Variants in LHPP observed in about 807,000 individuals in gnomAD.
LHPP encodes hLHPP.
A neutral mutation model predicts 30.3 loss-of-function variants in LHPP; 24 were observed. The observed-to-expected ratio is 0.79, with a 90% CI of 0.57 to 1.11. The LOEUF is 1.11. Among genes scored for constraint, LHPP ranks in the 50% most tolerant of loss-of-function variants. The pLI is 0.00. For synonymous variants in LHPP, 150 were observed against 157.1 expected (o/e 0.95, Z 0.34); for missense variants, 356 against 367.2 (o/e 0.97, Z 0.25).
intron 5 of LHPP, among the ~76,000 whole-genome samples, chr10:124,501,663 C>T (rs6597830): frequency 0.1 from 15,288 of 150,082 alleles, 1,383 homozygotes; most frequent in African/African-American, 0.23. Context: ...GGTGGCACGA[C>T]GTTCTGAATG....
rs193141683 is a variant in LHPP, at chr10:124,526,199, A to G, written c.716+8928A>G. On this transcript the variant is annotated intron_variant, in intron 6 of 6. Transcript: ENST00000368842. ...CACGTGCTCTGGACCTGGTGCTCAC[A>G]CGTGCTCTTCTCCCAAGACACTCCC... 6,469 of 985,378 alleles carry G rather than the reference A, an allele frequency of 6.6e-3. 27 individuals carry two copies. Among genetic ancestry groups the G allele is most frequent in the Middle Eastern group, 0.013 (25 of 1,914 alleles). 61.0% of individuals were successfully genotyped at this position (985,378 alleles called of 1,614,324 possible).
At chr10:124,501,092 A>G (rs1347841435) in intron 5 of LHPP, among the ~76,000 whole-genome samples, 1 of 152,148 alleles carries the variant, frequency 6.6e-6, no homozygotes, top group East Asian at 1.9e-4. Flanking sequence ...AAGTTCTGAC[A>G]CATGCTACAG....
chr10:124,538,422 G>A (rs1419742870), intron 6 of LHPP, among the ~76,000 whole-genome samples: 1 of 152,220 alleles, frequency 6.6e-6, no homozygotes, highest in Non-Finnish European at 1.5e-5. Context: ...ATGCTGTGGA[G>A]CATCTGTAGT....
rs1040747447 is a variant in LHPP at position 124,541,477 on chromosome 10, C to T, written c.716+24206C>T. ...CAGCCTCTGCTAGCCCCAGACCTAA[C>T]GGAGTTGCGGCTCATGGCCACCCTG... is the stretch of plus-strand genomic sequence containing the variant. On this transcript the variant is annotated intron_variant, in intron 6 of 6. Transcript: ENST00000368842. The surrounding 1 kb of genome is among the most constrained non-coding windows in gnomAD (Gnocchi z 4.2). 5.9e-5 allele frequency among the ~76,000 whole-genome samples: 9 copies of T among 152,114 alleles called. No individual in the cohort carries two copies. Among genetic ancestry groups the T allele is most frequent in the South Asian group, 4.1e-4 (2 of 4,824 alleles).
At chr10:124,555,068 T>A (rs35038221) in intron 6 of LHPP, among the ~76,000 whole-genome samples, 21,032 of 152,176 alleles carry the variant, frequency 0.14, 1,929 homozygotes, top group Non-Finnish European at 0.2. Flanking sequence ...TTTGAGTACG[T>A]CCAGCGAGAG....
chr10:124,567,849 G>A (rs745931907), intron 6 of LHPP, among the ~76,000 whole-genome samples: 1 of 152,348 alleles, frequency 6.6e-6, no homozygotes, highest in South Asian at 2.1e-4. Context: ...GCACAGACAC[G>A]AGGGCTCACT....
rs951816380 is a variant in LHPP, at chr10:124,473,539, G to A, written c.126-10600G>A. Among the ~76,000 whole-genome samples, 3 of 152,148 alleles carry A rather than the reference G, an allele frequency of 2.0e-5. No individual in the cohort carries two copies. The South Asian group carries it at 6.2e-4, about 32-fold the overall frequency. On this transcript the variant is annotated intron_variant, in intron 1 of 6. Coordinates refer to ENST00000368842, the MANE Select transcript of LHPP (RefSeq NM_022126.4). Reference sequence around the variant, plus strand: ...AGCTCTGCCCCATAGTTGCCATGTGGCCTCAAGGAAGTCCCTTAGCGTTCC... The same window carrying A: ...AGCTCTGCCCCATAGTTGCCATGTGACCTCAAGGAAGTCCCTTAGCGTTCC...
At chr10:124,490,997 G>A (rs1350846952) in intron 3 of LHPP, among the ~76,000 whole-genome samples, 1 of 151,420 alleles carries the variant, frequency 6.6e-6, no homozygotes, top group Non-Finnish European at 1.5e-5. Flanking sequence ...GGAATCACAG[G>A]GTTCTGCACA....
intron 6 of LHPP, among the ~76,000 whole-genome samples, chr10:124,562,669 C>T (rs985095570): frequency 6.6e-6 from 1 of 152,148 alleles, no homozygotes; most frequent in Non-Finnish European, 1.5e-5. Context: ...TGGTGGCTCA[C>T]AGCTGTAATC....
intron 6 of LHPP, among the ~76,000 whole-genome samples, chr10:124,527,689 C>T (rs1954777509): frequency 6.6e-6 from 1 of 152,214 alleles, no homozygotes; most frequent in Admixed American, 6.5e-5. Context: ...CCGGAGACCC[C>T]AAGAGCACTG....
intron 6 of LHPP, among the ~76,000 whole-genome samples, chr10:124,539,460 A>G (rs1257139589): frequency 6.6e-6 from 1 of 151,916 alleles, no homozygotes; most frequent in Non-Finnish European, 1.5e-5. Context: ...CCCCATCTCT[A>G]CTACAAGTAC....
intron 6 of LHPP, among the ~76,000 whole-genome samples, chr10:124,518,865 A>G (rs1954531876): frequency 6.6e-6 from 1 of 152,226 alleles, no homozygotes; most frequent in African/African-American, 2.4e-5. Flanking sequence ...GGTTACCTGC[A>G]TGCTATTTAA....
chr10:124,508,066 C>G (rs912034844), intron 5 of LHPP, among the ~76,000 whole-genome samples: 13 of 152,094 alleles, frequency 8.5e-5, no homozygotes, highest in African/African-American at 3.1e-4. Flanking sequence ...CCCTGATTCT[C>G]AGGGCATCAG....
intron 3 of LHPP, among the ~76,000 whole-genome samples, chr10:124,491,024 C>G (rs1383988633): frequency 6.6e-6 from 1 of 151,680 alleles, no homozygotes; most frequent in Non-Finnish European, 1.5e-5. Context: ...ATTCTAGAAT[C>G]ACAGGGTTCT....
intron 6 of LHPP, among the ~76,000 whole-genome samples, chr10:124,550,296 C>T (rs796290199): frequency 2.6e-5 from 4 of 152,356 alleles, no homozygotes; most frequent in African/African-American, 9.6e-5. Context: ...GGGTGACCCC[C>T]GTCTTGGTTG....
intron 6 of LHPP, among the ~76,000 whole-genome samples, chr10:124,609,445 T>C (rs1040550204): frequency 9.2e-5 from 14 of 152,204 alleles, no homozygotes; most frequent in African/African-American, 3.4e-4. Context: ...GGTTTCACCA[T>C]GTTGCCCAGG....
intron 2 of LHPP, among the ~76,000 whole-genome samples, chr10:124,487,958 T>G (rs1836292052): frequency 6.6e-6 from 1 of 152,182 alleles, no homozygotes; most frequent in Admixed American, 6.5e-5. Context: ...GGAATTCTGC[T>G]TTTTCTTCAG....
chr10:124,544,271 G>T (rs1263280439), intron 6 of LHPP, among the ~76,000 whole-genome samples: 1 of 152,254 alleles, frequency 6.6e-6, no homozygotes, highest in African/African-American at 2.4e-5. Context: ...GTCTTCTGGG[G>T]AATGGAGCGG....
At chr10:124,560,836 C>G (rs1948384148) in intron 6 of LHPP, among the ~76,000 whole-genome samples, 1 of 152,092 alleles carries the variant, frequency 6.6e-6, no homozygotes, top group South Asian at 2.1e-4. Flanking sequence ...CACCCAAAGC[C>G]CCACCCTGGC....
Sources: allele counts gnomAD v4.1 joint callset (sites outside exome capture counted in the v4.1 genomes callset), GRCh38; gene constraint gnomAD v4.1.1; non-coding constraint Gnocchi (gnomAD v3.1); transcripts MANE v1.5; gene names NCBI Gene and HGNC (gene_info 2026-07-23, HGNC 2026-07-21).